PLP1: variants seen among roughly 807,000 people sequenced by gnomAD.
PLP1 encodes proteolipid protein 1, also known as myelin proteolipid protein.
Under a neutral mutation model 18.5 loss-of-function variants are expected in PLP1, and 2 were observed. That is an observed-to-expected ratio of 0.11 (90% CI 0.04 to 0.34). PLP1 has a LOEUF of 0.34. Ranked by LOEUF, PLP1 falls within the 10% of genes least tolerant of loss-of-function variation. The pLI is 1.00. For synonymous variants in PLP1, 86 were observed against 83.2 expected, an observed-to-expected ratio of 1.03 and a Z score of -0.19; for missense variants, 105 against 207.3, an observed-to-expected ratio of 0.51 and a Z score of 3.03.
chrX:103,790,645 A>G lies in PLP1; in HGVS notation c.*47A>G. On this transcript the variant is annotated 3_prime_UTR_variant, in exon 7 of 7. Transcript: ENST00000621218. ...TCTCTAATAGCGAGGCTCTAACCAC[A>G]CAGCCTACAATGCTGCGTCTCCCAT... The G allele has an allele frequency of 2.1e-6, 2 of 932,984 alleles. No individual in the cohort carries two copies. Among genetic ancestry groups the G allele is most frequent in the Non-Finnish European group, 3.1e-6 (2 of 641,135 alleles). The allele number at this position is 932,984 out of a possible 1,213,427, so 76.9% of individuals were successfully genotyped here.
chrX:103,780,541 C>T (rs770044352), intron 1 of PLP1, among the ~76,000 whole-genome samples: 9 of 109,681 alleles, frequency 8.2e-5, no homozygotes, highest in South Asian at 4.0e-4. Flanking sequence ...AATACTAAAT[C>T]GTGTCCAAAG....
intron 6 of PLP1, 49 bp from the exon 7 acceptor site, chrX:103,790,478 G>A (rs1280341571): frequency 1.1e-6 from 1 of 893,241 alleles, no homozygotes; most frequent in African/African-American, 2.0e-5. Context: ...TGAGGAGGGA[G>A]TGCTTTCTTT....
intron 1 of PLP1, 134 bp from the exon 2 acceptor site, chrX:103,785,448 C>T: frequency 1.1e-5 from 6 of 548,983 alleles, no homozygotes; most frequent in Non-Finnish European, 1.9e-5. Context: ...GCCAAAACCT[C>T]TAGCCGCTCC....
intron 1 of PLP1, among the ~76,000 whole-genome samples, chrX:103,779,400 G>T (rs920790297): frequency 8.9e-6 from 1 of 111,807 alleles, no homozygotes; most frequent in Non-Finnish European, 1.9e-5. Context: ...CAGAGCGGGG[G>T]TCCAGTTTTA....
chrX:103,783,570 G>A (rs2074471309), intron 1 of PLP1, among the ~76,000 whole-genome samples: 1 of 112,077 alleles, frequency 8.9e-6, no homozygotes. Context: ...AGAGGCAAAT[G>A]CCTCTACCTC....
intron 1 of PLP1, among the ~76,000 whole-genome samples, chrX:103,780,627 C>A (rs936089786): frequency 9.0e-6 from 1 of 111,438 alleles, no homozygotes; most frequent in African/African-American, 3.3e-5. Flanking sequence ...TCCCAGGCCC[C>A]AGAGACTTCG....
At chrX:103,781,015 T>C (rs2074449091) in intron 1 of PLP1, 3 of 156,596 alleles carry the variant, frequency 1.9e-5, no homozygotes, top group Admixed American at 1.4e-4. Flanking sequence ...GCCTGTTGTT[T>C]AGCTCTATTG....
chrX:103,789,781 T>C (rs772225166), intron 6 of PLP1, among the ~76,000 whole-genome samples: 18 of 111,998 alleles, frequency 1.6e-4, no homozygotes, highest in Non-Finnish European at 2.6e-4. Flanking sequence ...TGCTATAGCC[T>C]GGAATTCTAT....
intron 6 of PLP1, 79 bp from the exon 7 acceptor site, chrX:103,790,448 T>A: frequency 1.4e-6 from 1 of 713,708 alleles, no homozygotes; most frequent in South Asian, 2.1e-5. Flanking sequence ...TTTCTACCCT[T>A]CCTCATTCCC....
intron 1 of PLP1, among the ~76,000 whole-genome samples, chrX:103,778,607 G>A (rs992094560): frequency 9.0e-6 from 1 of 111,700 alleles, no homozygotes; most frequent in Admixed American, 9.5e-5. Context: ...ACAATTGCCT[G>A]TTATGGAGGC....
intron 1 of PLP1, among the ~76,000 whole-genome samples, chrX:103,783,696 A>C (rs771727924): frequency 4.8e-4 from 54 of 112,121 alleles, no homozygotes; most frequent in Non-Finnish European, 8.8e-4. Flanking sequence ...ACTGTAACTA[A>C]TGTTAACAGA....
intron 5 of PLP1, chrX:103,788,906 C>T: frequency 3.7e-6 from 1 of 272,745 alleles, no homozygotes; most frequent in Non-Finnish European, 6.5e-6. Flanking sequence ...TTCTTTATCT[C>T]AAATGAGAGG....
intron 5 of PLP1, 134 bp downstream of exon 5, chrX:103,788,644 G>C: frequency 1.7e-6 from 1 of 593,003 alleles, no homozygotes; most frequent in South Asian, 2.3e-5. Context: ...TCTACAACAT[G>C]TTGGCTAAGT....
chrX:103,781,087 C>A, intron 1 of PLP1: 1 of 203,234 alleles, frequency 4.9e-6, no homozygotes, highest in South Asian at 6.4e-5. Flanking sequence ...GGGAATTGTG[C>A]AGGGTACAAT....
intron 1 of PLP1, chrX:103,780,397 G>A (rs2074442626): frequency 9.1e-6 from 1 of 110,191 alleles, no homozygotes; most frequent in African/African-American, 3.3e-5. Context: ...CCCAATGCTT[G>A]CACATAAATT....
intron 1 of PLP1, among the ~76,000 whole-genome samples, chrX:103,783,381 G>A (rs928932403): frequency 2.7e-5 from 3 of 112,496 alleles, no homozygotes; most frequent in Non-Finnish European, 3.8e-5. Flanking sequence ...CAAGTTTCCT[G>A]GCAGCAATGC....
At chrX:103,785,294 C>T (rs1315131073) in intron 1 of PLP1, among the ~76,000 whole-genome samples, 1 of 112,197 alleles carries the variant, frequency 8.9e-6, no homozygotes, top group Non-Finnish European at 1.9e-5. Flanking sequence ...CCAGGCTGGT[C>T]TTGAACTCCT....
chrX:103,782,560 T>G (rs964130016), intron 1 of PLP1, among the ~76,000 whole-genome samples: 3 of 112,053 alleles, frequency 2.7e-5, no homozygotes, highest in Non-Finnish European at 5.6e-5. Context: ...TTCCCTCTCA[T>G]CTTTGCAACC....
rs1345971759 is a variant in PLP1 at position 103,787,933 on chromosome X, A to T, written c.589A>T (p.Ile197Leu). 1 of 1,209,238 alleles carries T rather than the reference A, an allele frequency of 8.3e-7. No individual in the cohort carries two copies. Among genetic ancestry groups the T allele is most frequent in the Non-Finnish European group, 1.1e-6 (1 of 894,390 alleles). Residue 197 changes from isoleucine to leucine, a missense_variant, in exon 4 of 7, where the codon ATA becomes TTA. Coordinates refer to ENST00000621218, the MANE Select transcript of PLP1 (RefSeq NM_000533.5). ...CTTCCCCAGCAAGACCTCTGCCAGT[A>T]TAGGCAGTCTCTGTGCTGATGCCAG... The part of the protein sequence containing the change: ...IAFPSKTSAS[I>L]GSLCADARMY...
Sources: allele counts gnomAD v4.1 joint callset (sites outside exome capture counted in the v4.1 genomes callset), GRCh38; gene constraint gnomAD v4.1.1; transcripts MANE v1.5; gene names NCBI Gene and HGNC (gene_info 2026-07-23, HGNC 2026-07-21).